The following MARCHF1 variants were observed in gnomAD, a reference collection of about 807,000 sequenced individuals.
MARCHF1 encodes the protein membrane associated ring-CH-type finger 1, also known as E3 ubiquitin-protein ligase MARCHF1.
In MARCHF1, 40 loss-of-function variants were observed where a neutral mutation model predicts 54.2. The ratio of observed to expected loss-of-function variants is 0.74; its 90% CI spans 0.57 to 0.96. MARCHF1 has a LOEUF of 0.96. Ranked by LOEUF, MARCHF1 falls within the 40% of genes least tolerant of loss-of-function variation. MARCHF1 has a pLI of 0.00. For missense variants in MARCHF1, 586 were observed against 656.5 expected, an observed-to-expected ratio of 0.89 and a Z score of 1.17; for synonymous variants, 236 against 236.3, an observed-to-expected ratio of 1.00 and a Z score of 0.01.
In MARCHF1 at chr4:163,906,569, A is replaced by G. The variant is rs538443261; in HGVS notation, c.-38-52400T>C. Reference sequence around the variant, plus strand: ...TGAGTCTGGAGATAAATATACACCCATGAAGCCATCACCACAATCTATGCC... The same window carrying G: ...TGAGTCTGGAGATAAATATACACCCGTGAAGCCATCACCACAATCTATGCC... On this transcript the variant is annotated intron_variant, in intron 3 of 9. Coordinates refer to ENST00000514618, the MANE Select transcript of MARCHF1 (RefSeq NM_001394959.1). 2.0e-5 allele frequency among the ~76,000 whole-genome samples: 3 copies of G among 152,072 alleles called. No homozygotes were observed. The South Asian group carries it at 6.2e-4, about 32-fold the overall frequency.
intron 4 of MARCHF1, among the ~76,000 whole-genome samples, chr4:163,711,159 T>A (rs73868668): frequency 0.044 from 6,661 of 152,132 alleles, 176 homozygotes; most frequent in African/African-American, 0.078. Context: ...AGTAGTCTTC[T>A]TACTTAAGTT....
intron 4 of MARCHF1, among the ~76,000 whole-genome samples, chr4:163,782,001 G>A (rs996549641): frequency 2.0e-5 from 3 of 152,132 alleles, no homozygotes; most frequent in African/African-American, 7.2e-5. Context: ...TACATATGAT[G>A]CATCTTTCCC....
chr4:163,534,102 C>T (rs1738452226), intron 9 of MARCHF1, among the ~76,000 whole-genome samples: 1 of 152,034 alleles, frequency 6.6e-6, no homozygotes, highest in Non-Finnish European at 1.5e-5. Context: ...TGCTATTCCT[C>T]TGTTTAGAGT....
chr4:163,850,928 G>A lies in MARCHF1; in HGVS notation c.111+3093C>T, dbSNP rs183124891. Among the ~76,000 whole-genome samples, 99 of 152,240 alleles carry A rather than the reference G, an allele frequency of 6.5e-4. 2 individuals carry two copies. In the East Asian group the frequency reaches 0.019, roughly 28 times the overall value. On this transcript the variant is annotated intron_variant, in intron 4 of 9. Coordinates refer to ENST00000514618, the MANE Select transcript of MARCHF1 (RefSeq NM_001394959.1). ...CAGGACTTATTGAGCAAAATGGCTG[G>A]CTTCTTCTAAAGCCCAAATGGTGGA...
At chr4:163,705,105 G>T (rs530688104) in intron 4 of MARCHF1, among the ~76,000 whole-genome samples, 18 of 151,618 alleles carry the variant, frequency 1.2e-4, no homozygotes, top group Non-Finnish European at 2.2e-4. Context: ...ACATAAGATA[G>T]TTAATCAAGG....
At chr4:163,688,940 A>G (rs1339002700) in intron 5 of MARCHF1, among the ~76,000 whole-genome samples, 1 of 152,176 alleles carries the variant, frequency 6.6e-6, no homozygotes, top group Non-Finnish European at 1.5e-5. Context: ...TGGAAAAGCA[A>G]CTGTAATTGC....
intron 1 of MARCHF1, among the ~76,000 whole-genome samples, chr4:164,241,238 T>C (rs1477696945): frequency 1.3e-5 from 2 of 152,116 alleles, no homozygotes; most frequent in African/African-American, 2.4e-5. Context: ...GCAGTATCTA[T>C]TCCCTAGGAC....
chr4:164,343,318 C>G (rs1282566943), intron 1 of MARCHF1, among the ~76,000 whole-genome samples: 2 of 152,010 alleles, frequency 1.3e-5, no homozygotes, highest in African/African-American at 4.8e-5. Flanking sequence ...TTTAAATAGT[C>G]TGTTCACCAA....
chr4:163,968,597 T>C (rs1752488474), intron 3 of MARCHF1, among the ~76,000 whole-genome samples: 1 of 152,202 alleles, frequency 6.6e-6, no homozygotes, highest in African/African-American at 2.4e-5. Context: ...GTTGAGCTCC[T>C]ACTCTATGCT....
chr4:163,893,683 A>T (rs1243585483), intron 3 of MARCHF1, among the ~76,000 whole-genome samples: 1 of 152,236 alleles, frequency 6.6e-6, no homozygotes, highest in African/African-American at 2.4e-5. Flanking sequence ...ACATTAAAAA[A>T]TGTATTGAGC....
At chr4:163,708,727 G>A (rs1224080810) in intron 4 of MARCHF1, among the ~76,000 whole-genome samples, 1 of 152,086 alleles carries the variant, frequency 6.6e-6, no homozygotes, top group African/African-American at 2.4e-5. Context: ...AAAAGTCATG[G>A]AAAGTTATGC....
At chr4:164,136,207 C>T (rs985257740) in intron 1 of MARCHF1, among the ~76,000 whole-genome samples, 4 of 140,874 alleles carry the variant, frequency 2.8e-5, no homozygotes, top group Non-Finnish European at 6.0e-5. Flanking sequence ...CAAAAACCCA[C>T]AGCAAGAGTG....
At chr4:164,237,367 G>A (rs1290601497) in intron 1 of MARCHF1, among the ~76,000 whole-genome samples, 1 of 152,014 alleles carries the variant, frequency 6.6e-6, no homozygotes, top group Admixed American at 6.6e-5. Context: ...CCCATTCTGT[G>A]TATCATGCTT....
At chr4:164,039,691 A>T (rs1208025550) in intron 2 of MARCHF1, among the ~76,000 whole-genome samples, 2 of 152,082 alleles carry the variant, frequency 1.3e-5, no homozygotes, top group Non-Finnish European at 2.9e-5. Context: ...ATAAAAAAAA[A>T]GCATAGACAT....
intron 2 of MARCHF1, among the ~76,000 whole-genome samples, chr4:164,061,727 G>T (rs1284126701): frequency 6.6e-6 from 1 of 151,538 alleles, no homozygotes; most frequent in African/African-American, 2.4e-5. Flanking sequence ...CCAAAAAAAA[G>T]AGTGCAATAG....
rs28690845 is a variant in MARCHF1, at chr4:163,975,931, C to T, written c.-39+12570G>A. On this transcript the variant is annotated intron_variant, in intron 3 of 9. Transcript: ENST00000514618. ...CAACTTGGATTGGATAGAGTCAGTACAAAATGAAAGACACCTTTGGACTTG... is the reference window on the plus strand; with the variant it reads ...CAACTTGGATTGGATAGAGTCAGTATAAAATGAAAGACACCTTTGGACTTG... Among the ~76,000 whole-genome samples the T allele has an allele frequency of 0.016, 2,466 of 152,144 alleles. 107 individuals are homozygous for T. The East Asian group carries it at 0.17, about 10-fold the overall frequency.
Position 163,816,411 on chromosome 4 carries a change from C to T in MARCHF1, c.111+37610G>A, listed in dbSNP as rs1235959342. Among the ~76,000 whole-genome samples the T allele has an allele frequency of 4.6e-4, 69 of 151,336 alleles. 1 individual carries two copies. The highest frequency in any genetic ancestry group is 1.6e-3 in the African/African-American group (65 of 41,260). ...TTTTTTTATAAATAGTATTCAAGTTCAACTAAAACTCTTTACCTTCATACA... is the reference window on the plus strand; with the variant it reads ...TTTTTTTATAAATAGTATTCAAGTTTAACTAAAACTCTTTACCTTCATACA... On this transcript the variant is annotated intron_variant, in intron 4 of 9. Transcript: ENST00000514618.
At chr4:163,742,121 T>C (rs1478939743) in intron 4 of MARCHF1, among the ~76,000 whole-genome samples, 1 of 152,134 alleles carries the variant, frequency 6.6e-6, no homozygotes, top group East Asian at 1.9e-4. Flanking sequence ...TTTTTTATGA[T>C]GGTGCATAAC....
intron 3 of MARCHF1, among the ~76,000 whole-genome samples, chr4:163,865,940 T>C (rs755964070): frequency 1.1e-4 from 17 of 151,840 alleles, no homozygotes; most frequent in Non-Finnish European, 2.2e-4. Flanking sequence ...TAAGGTAATA[T>C]GGATCTCCAT....
Sources: gnomAD v4.1 joint callset for allele counts (sites outside exome capture counted in the v4.1 genomes callset) on GRCh38, gnomAD v4.1.1 for gene constraint, MANE v1.5 for transcripts, NCBI Gene and HGNC (gene_info 2026-07-23, HGNC 2026-07-21) for gene names.